MTHFD1L: variants seen among roughly 807,000 people sequenced by gnomAD.
MTHFD1L encodes the protein methylenetetrahydrofolate dehydrogenase (NADP+ dependent) 1 like.
In MTHFD1L, 81 loss-of-function variants were observed where a neutral mutation model predicts 119.5. The ratio of observed to expected loss-of-function variants is 0.68; its 90% CI spans 0.57 to 0.82. The LOEUF (loss-of-function observed/expected upper bound fraction) is 0.82, where lower values mean the gene tolerates loss of function less well. MTHFD1L is among the 40% of genes least tolerant of loss of function. MTHFD1L has a pLI of 0.00. For synonymous variants in MTHFD1L, 430 were observed against 475.2 expected, an observed-to-expected ratio of 0.90 and a Z score of 1.24; for missense variants, 1,125 against 1,253.4, an observed-to-expected ratio of 0.90 and a Z score of 1.55.
At chr6:151,013,660 G>T in intron 21 of MTHFD1L, 119 bp from the exon 22 acceptor site, 1 of 960,016 alleles carries the variant, frequency 1.0e-6, no homozygotes, top group Non-Finnish European at 1.6e-6. Flanking sequence ...TGTTTTAAAA[G>T]CACAAAACAT....
chr6:150,975,020 G>A (rs1776352666), intron 20 of MTHFD1L, among the ~76,000 whole-genome samples: 1 of 152,088 alleles, frequency 6.6e-6, no homozygotes, highest in South Asian at 2.1e-4. Flanking sequence ...TTACAGGTGT[G>A]AGCCACCACA....
At chr6:150,971,227 C>A (rs971392685) in intron 19 of MTHFD1L, among the ~76,000 whole-genome samples, 2 of 151,912 alleles carry the variant, frequency 1.3e-5, no homozygotes, top group African/African-American at 2.4e-5. Context: ...GAGTCAGAGT[C>A]GGTCTGTCAC....
chr6:150,962,033 A>G (rs1428152994), intron 18 of MTHFD1L, among the ~76,000 whole-genome samples: 4 of 152,126 alleles, frequency 2.6e-5, no homozygotes, highest in South Asian at 4.1e-4. Flanking sequence ...CTTGTTGCCC[A>G]GGCTGGAGTA....
At chr6:151,029,451 A>C (rs1360559462) in intron 24 of MTHFD1L, among the ~76,000 whole-genome samples, 1 of 150,976 alleles carries the variant, frequency 6.6e-6, no homozygotes, top group Non-Finnish European at 1.5e-5. Context: ...ATATATATAC[A>C]TATTATATAG....
chr6:151,058,318 G>A (rs1264214752), intron 26 of MTHFD1L, among the ~76,000 whole-genome samples: 1 of 152,214 alleles, frequency 6.6e-6, no homozygotes, highest in African/African-American at 2.4e-5. Flanking sequence ...TCTGAGTGGA[G>A]GAGGTGGCGT....
At chr6:151,066,288 T>C (rs1194526429) in intron 26 of MTHFD1L, among the ~76,000 whole-genome samples, 1 of 150,754 alleles carries the variant, frequency 6.6e-6, no homozygotes, top group African/African-American at 2.4e-5. Flanking sequence ...TACAAAAAAA[T>C]CAGCCTGGCG....
At chr6:150,905,532 A>C in intron 7 of MTHFD1L, 118 bp from the exon 8 acceptor site, 1 of 710,464 alleles carries the variant, frequency 1.4e-6, no homozygotes, top group South Asian at 1.7e-5. Context: ...CATCCTTGTC[A>C]GCAGCTTGGA....
intron 26 of MTHFD1L, among the ~76,000 whole-genome samples, chr6:151,084,970 G>GAA (rs3055594): frequency 6.7e-4 from 81 of 120,106 alleles, no homozygotes; most frequent in African/African-American, 1.2e-3. Flanking sequence ...CCATCTCAAA[G>GAA]AAAAAAAAAA....
intron 26 of MTHFD1L, among the ~76,000 whole-genome samples, chr6:151,044,181 C>A (rs1368651562): frequency 1.3e-5 from 2 of 152,116 alleles, no homozygotes; most frequent in African/African-American, 2.4e-5. Flanking sequence ...GGCCTGCCCC[C>A]CATGTGGTTA....
At chr6:150,935,192 G>A in intron 11 of MTHFD1L, 1 of 1,611,996 alleles carries the variant, frequency 6.2e-7, no homozygotes, top group Non-Finnish European at 8.5e-7. Flanking sequence ...CTTCTGGGAT[G>A]TAGGTGGTCA....
intron 11 of MTHFD1L, among the ~76,000 whole-genome samples, chr6:150,928,351 G>C (rs1192878441): frequency 6.7e-6 from 1 of 150,364 alleles, no homozygotes; most frequent in Non-Finnish European, 1.5e-5. Context: ...CAGGAGAATG[G>C]CGTGAACCTG....
rs139416520 is a variant in MTHFD1L at position 150,868,681 on chromosome 6, A to G, written c.227+2632A>G. Among the ~76,000 whole-genome samples the G allele has an allele frequency of 1.4e-3, 206 of 152,296 alleles. 1 individual carries two copies. Among genetic ancestry groups the G allele is most frequent in the African/African-American group, 4.7e-3 (195 of 41,550 alleles). ...AGCCAGGGGTCCACAGACGTTTTATATATAATGGGCCAGATAGTAAATATT... is the reference window on the plus strand; with the variant it reads ...AGCCAGGGGTCCACAGACGTTTTATGTATAATGGGCCAGATAGTAAATATT... On this transcript the variant is annotated intron_variant, in intron 1 of 27. Coordinates refer to ENST00000367321, the MANE Select transcript of MTHFD1L (RefSeq NM_015440.5).
chr6:150,920,717 T>G (rs973573084), intron 9 of MTHFD1L, among the ~76,000 whole-genome samples: 2 of 151,682 alleles, frequency 1.3e-5, no homozygotes, highest in Non-Finnish European at 2.9e-5. Context: ...ACGAACCTAT[T>G]CAGTATAAGT....
intron 20 of MTHFD1L, among the ~76,000 whole-genome samples, chr6:150,994,064 T>TAAAAAAAAAAAAAAAAAAAAAAAAAAAAA (rs746589557): frequency 1.3e-5 from 1 of 74,278 alleles, no homozygotes; most frequent in African/African-American, 7.6e-5. Flanking sequence ...ACAACAACAG[T>TAAAAAAAAAAAAAAAAAAAAAAAAAAAAA]AAAAAAAAAA....
chr6:150,889,973 A>G (rs910734225), intron 7 of MTHFD1L, among the ~76,000 whole-genome samples: 1 of 152,186 alleles, frequency 6.6e-6, no homozygotes, highest in East Asian at 1.9e-4. Flanking sequence ...CCCGACCAAC[A>G]TGGAGAAACC....
chr6:151,015,807 C>T, intron 24 of MTHFD1L, 114 bp downstream of exon 24: 1 of 1,302,360 alleles, frequency 7.7e-7, no homozygotes, highest in Non-Finnish European at 1.0e-6. Flanking sequence ...AGAGTTTAGG[C>T]CCGGTGCAGT....
At chr6:151,064,027 G>A (rs142914464) in intron 26 of MTHFD1L, among the ~76,000 whole-genome samples, 1,521 of 151,914 alleles carry the variant, frequency 0.01, 26 homozygotes, top group African/African-American at 0.035. Flanking sequence ...CTTTCTACTG[G>A]GACCAGGCCA....
chr6:150,999,827 A>G (rs1336204150), intron 20 of MTHFD1L, among the ~76,000 whole-genome samples: 1 of 152,186 alleles, frequency 6.6e-6, no homozygotes, highest in African/African-American at 2.4e-5. Flanking sequence ...AAGCACGTCT[A>G]AGTGGTATTG....
chr6:151,024,832 G>A (rs1267436076), intron 24 of MTHFD1L, among the ~76,000 whole-genome samples: 1 of 152,010 alleles, frequency 6.6e-6, no homozygotes, highest in Non-Finnish European at 1.5e-5. Flanking sequence ...GTGTGTGTTT[G>A]TTTTGGGTTT....
Sources: gnomAD v4.1 joint callset for allele counts (sites outside exome capture counted in the v4.1 genomes callset) on GRCh38, gnomAD v4.1.1 for gene constraint, MANE v1.5 for transcripts, NCBI Gene and HGNC (gene_info 2026-07-23, HGNC 2026-07-21) for gene names.